Variants in HLA-DQB1 observed in about 807,000 individuals in gnomAD.
HLA-DQB1 encodes the protein HLA class II histocompatibility antigen, DQ beta 1 chain.
A neutral mutation model predicts 26.4 loss-of-function variants in HLA-DQB1; 13 were observed. The observed-to-expected ratio is 0.49, with a 90% confidence interval of 0.32 to 0.78. The LOEUF (loss-of-function observed/expected upper bound fraction) is 0.78, where lower values mean the gene tolerates loss of function less well. Among genes scored for constraint, HLA-DQB1 ranks in the 30% least tolerant of loss-of-function variants. HLA-DQB1 has a pLI of 0.03. For synonymous variants in HLA-DQB1, 60 were observed against 129.1 expected, an observed-to-expected ratio of 0.46 and a Z score of 3.63; for missense variants, 158 against 326.2, an observed-to-expected ratio of 0.48 and a Z score of 3.97.
chr6:32,664,863 G>T, exon 2 of HLA-DQB1: 3 of 1,118,970 alleles, frequency 2.7e-6, no homozygotes, highest in Non-Finnish European at 3.9e-6. Flanking sequence ...GTCCAACTCC[G>T]CCCGGGTCCC....
intron 2 of HLA-DQB1, chr6:32,663,514 G>C (rs71542451): frequency 0.24 from 27,441 of 115,120 alleles, 3,462 homozygotes; most frequent in South Asian, 0.3. Flanking sequence ...CATATGTGTA[G>C]TGAGGAACAT....
chr6:32,660,915 A>G lies in HLA-DQB1; in HGVS notation c.772+432T>C. On this transcript the variant is annotated intron_variant, in intron 4 of 4. Transcript: ENST00000434651. ...AGGAAGTTATGCAGAGAAAGGTCTC[A>G]TTACACAAACAGCCACTCTCTCACC... is the stretch of plus-strand genomic sequence containing the variant. 3.4e-6 allele frequency: 5 copies of G among 1,477,350 alleles called. No homozygotes were observed. The South Asian group carries it at 4.9e-5, about 14-fold the overall frequency. 91.5% of individuals were successfully genotyped at this position (1,477,350 alleles called of 1,614,324 possible).
rs998011250 is a variant in HLA-DQB1 at position 32,660,510 on chromosome 6, T to C, written c.773-261A>G. On this transcript the variant is annotated intron_variant, in intron 4 of 4. Coordinates refer to ENST00000434651, the Ensembl canonical transcript of HLA-DQB1. ...TGAAGGGTTCAGTCTTTTTAGGAAA[T>C]TGGATGATATCTCTTCCCGACCACT... The C allele has an allele frequency of 1.5e-4, 54 of 351,266 alleles. 5 individuals carry two copies. Among genetic ancestry groups the C allele is most frequent in the African/African-American group, 6.6e-4 (31 of 46,680 alleles). 21.8% of individuals were successfully genotyped at this position (351,266 alleles called of 1,614,324 possible).
chr6:32,662,301 C>T, intron 2 of HLA-DQB1, 53 bp from the exon 3 acceptor site: 1 of 834,980 alleles, frequency 1.2e-6, no homozygotes, highest in Admixed American at 4.5e-5. Flanking sequence ...TGAGAACACA[C>T]ACCACGTCTA....
intron 1 of HLA-DQB1, among the ~76,000 whole-genome samples, chr6:32,665,789 G>A (rs281861421): frequency 8.0e-6 from 1 of 125,318 alleles, no homozygotes; most frequent in Non-Finnish European, 1.7e-5. Flanking sequence ...CTACACACAG[G>A]ATGTTAGAAG....
chr6:32,662,413 G>A lies in HLA-DQB1; in HGVS notation c.380-165C>T, dbSNP rs281864003. On this transcript the variant is annotated intron_variant, in intron 2 of 4. Transcript: ENST00000434651. The stretch of plus-strand genomic sequence containing the variant: ...CAAATATAAATTTGACAATCACTGA[G>A]AATTCAAAGATAAATAACATACTAT... The A allele has an allele frequency of 1.0e-3, 398 of 393,552 alleles. 127 individuals carry two copies. The highest frequency in any genetic ancestry group is 2.7e-3 in the Admixed American group (52 of 19,470). 24.4% of individuals were successfully genotyped at this position (393,552 alleles called of 1,614,324 possible). A position where few individuals can be genotyped will look rare whatever the true frequency, so the allele number is the denominator to read the frequency against.
rs281862027 is a variant in HLA-DQB1, at chr6:32,665,093, T to C, written c.110-26A>G. 97 of 1,114,640 alleles carry C rather than the reference T, an allele frequency of 8.7e-5. 15 individuals are homozygous for C. The highest frequency in any genetic ancestry group is 1.1e-4 in the Non-Finnish European group (93 of 817,882). 69.0% of individuals were successfully genotyped at this position (1,114,640 alleles called of 1,614,324 possible). A position where few individuals can be genotyped will look rare whatever the true frequency, so the allele number is the denominator to read the frequency against. ...CTGCGGGGAATCACCGGCCGGTCAGTCAGGCCCCAGCCCGGCCGCCCCCGC... is the reference window on the plus strand; with the variant it reads ...CTGCGGGGAATCACCGGCCGGTCAGCCAGGCCCCAGCCCGGCCGCCCCCGC... On this transcript the variant is annotated intron_variant, in intron 1 of 4. Coordinates refer to ENST00000434651, the Ensembl canonical transcript of HLA-DQB1.
intron 1 of HLA-DQB1, among the ~76,000 whole-genome samples, chr6:32,665,863 T>G (rs41264344): frequency 8.4e-6 from 1 of 119,116 alleles, no homozygotes; most frequent in Non-Finnish European, 1.8e-5. Flanking sequence ...CAATATGTGT[T>G]ATTTCCCTTC....
exon 3 of HLA-DQB1, chr6:32,661,973 C>T: frequency 6.5e-7 from 1 of 1,545,638 alleles, no homozygotes; most frequent in Non-Finnish European, 8.8e-7. Context: ...TTACGCCACT[C>T]CACGGTGATG....
chr6:32,664,970 G>A (rs767838386), exon 2 of HLA-DQB1: 1 of 1,362,960 alleles, frequency 7.3e-7, no homozygotes, highest in Non-Finnish European at 1.0e-6. Context: ...CGAAGCGCGC[G>A]TACTCCTCTC....
chr6:32,661,470 A>AG lies in HLA-DQB1; in HGVS notation c.662-14_662-13insC. The AG allele has an allele frequency of 2.3e-6, 2 of 858,148 alleles. 1 individual carries two copies. Among genetic ancestry groups the AG allele is most frequent in the Non-Finnish European group, 3.3e-6 (2 of 605,512 alleles). The allele number at this position is 858,148 out of a possible 1,614,324, so 53.2% of individuals were successfully genotyped here. ...TCAGACTGAGCCCCTAAAGAGCAGA[A>AG]CTGAGTGTCTGTGTTTGTCCCCACA... On this transcript the variant is annotated splice_polypyrimidine_tract_variant and intron_variant, in intron 3 of 4. Transcript: ENST00000434651.
chr6:32,660,189 C>T (rs775501650), exon 5 of HLA-DQB1: 1 of 823,810 alleles, frequency 1.2e-6, no homozygotes, highest in Admixed American at 3.3e-5. Flanking sequence ...CATAAGCAGG[C>T]ATCACAGAAG....
intron 1 of HLA-DQB1, among the ~76,000 whole-genome samples, chr6:32,665,288 A>G (rs28746806): frequency 7.6e-6 from 1 of 131,982 alleles, no homozygotes; most frequent in South Asian, 2.5e-4. Context: ...CAGGAAAGGG[A>G]GGAAAGCCCT....
rs748609904 is a variant in HLA-DQB1, at chr6:32,660,209, C to A, written c.*27G>T. The A allele has an allele frequency of 3.5e-5, 32 of 902,764 alleles. 9 individuals carry two copies. The highest frequency in any genetic ancestry group is 5.0e-5 in the Non-Finnish European group (31 of 619,122). The allele number at this position is 902,764 out of a possible 1,614,324, so 55.9% of individuals were successfully genotyped here. ...GCAGGCATCACAGAAGAGTGATAAC[C>A]AATCCTAGTTAAAATAGTCTCAGGA... On this transcript the variant is annotated 3_prime_UTR_variant, in exon 5 of 5. Coordinates refer to ENST00000434651, the Ensembl canonical transcript of HLA-DQB1.
In HLA-DQB1 at chr6:32,666,487, C is replaced by G. The variant is rs72844399; in HGVS notation, c.109+12G>C. On this transcript the variant is annotated intron_variant, in intron 1 of 4. Transcript: ENST00000434651. ...GAGTGGCGGCTCTGGAGAGCAGCTG[C>G]CCTGCACTTACCGGGAGAGTCTCTG... 1.0e-6 allele frequency: 1 copy of G among 954,454 alleles called. No individual in the cohort carries two copies. The highest frequency in any genetic ancestry group is 1.6e-5 in the South Asian group (1 of 62,886). 59.1% of individuals were successfully genotyped at this position (954,454 alleles called of 1,614,324 possible). A position where few individuals can be genotyped will look rare whatever the true frequency, so the allele number is the denominator to read the frequency against.
intron 4 of HLA-DQB1, chr6:32,660,967 AG>A: frequency 2.9e-5 from 23 of 790,540 alleles, no homozygotes; most frequent in Non-Finnish European, 4.4e-5. Flanking sequence ...CACATGACTT[AG>A]AGTTACATTC....
intron 4 of HLA-DQB1, chr6:32,660,849 G>T: frequency 6.8e-7 from 1 of 1,480,502 alleles, no homozygotes; most frequent in Non-Finnish European, 9.1e-7. Context: ...GATCATGGCT[G>T]AAATATTACC....
At chr6:32,663,376 G>T (rs281863348) in intron 2 of HLA-DQB1, 4 of 86,120 alleles carry the variant, frequency 4.6e-5, no homozygotes, top group African/African-American at 1.3e-4. Context: ...TAACACCGGG[G>T]TCAGACTAGG....
intron 3 of HLA-DQB1, 50 bp downstream of exon 3, chr6:32,661,917 A>AGC: frequency 9.0e-7 from 1 of 1,109,386 alleles, no homozygotes; most frequent in Non-Finnish European, 1.2e-6. Context: ...GGTCAGAAGG[A>AGC]GCTCTTTGTC....
Sources: allele counts gnomAD v4.1 joint callset (sites outside exome capture counted in the v4.1 genomes callset), GRCh38; gene constraint gnomAD v4.1.1; transcripts MANE v1.5; gene names NCBI Gene and HGNC (gene_info 2026-07-23, HGNC 2026-07-21).